USP3: variants seen among roughly 807,000 people sequenced by gnomAD.
USP3 encodes ubiquitin specific peptidase 3.
USP3 carries 20 observed loss-of-function variants against 72.3 expected under a neutral mutation model. The observed-to-expected ratio is 0.28, with a 90% CI of 0.19 to 0.40. The LOEUF is 0.40. Ranked by LOEUF, USP3 falls within the 10% of genes least tolerant of loss-of-function variation. The pLI is 1.00. For synonymous variants in USP3, 222 were observed against 225.3 expected (o/e 0.99, Z 0.13); for missense variants, 479 against 633.9 (o/e 0.76, Z 2.62).
chr15:63,583,164 T>C (rs936247516), intron 11 of USP3, among the ~76,000 whole-genome samples: 4 of 152,158 alleles, frequency 2.6e-5, no homozygotes, highest in Non-Finnish European at 5.9e-5. Flanking sequence ...TTCTCAGTGT[T>C]GTGTGGCTAG....
At chr15:63,533,749 GA>G in intron 2 of USP3, 1 of 803,832 alleles carries the variant, frequency 1.2e-6, no homozygotes, top group Non-Finnish European at 1.7e-6. Flanking sequence ...AGTACCTTTG[GA>G]AAATGTTAAC....
intron 5 of USP3, among the ~76,000 whole-genome samples, chr15:63,557,263 TTTTTG>T (rs944884127): frequency 6.7e-6 from 1 of 150,120 alleles, no homozygotes; most frequent in African/African-American, 2.5e-5. Flanking sequence ...TTTGTTTTTG[TTTTTG>T]TTTTTTTTTT....
intron 11 of USP3, among the ~76,000 whole-genome samples, chr15:63,582,703 T>TG (rs2066985147): frequency 6.6e-6 from 1 of 152,134 alleles, no homozygotes; most frequent in African/African-American, 2.4e-5. Context: ...AAGAAAATGT[T>TG]GGAAAGCAAG....
Position 63,570,587 on chromosome 15 carries a change from TTAGTTGCCTTCTG to T in USP3, c.908+10_908+22del. 6.2e-7 allele frequency: 1 copy of T among 1,601,344 alleles called. No individual in the cohort carries two copies. The highest frequency in any genetic ancestry group is 8.5e-7 in the Non-Finnish European group (1 of 1,173,680). On this transcript the variant is annotated intron_variant, in intron 9 of 14. Transcript: ENST00000380324. This position sits in a 1 kb window ranked among gnomAD's most constrained non-coding sequence, Gnocchi z 4.4. ...AAGTAACAAGTGTTGCATGTAAGAT[TTAGTTGCCTTCTG>T]TTTTTTAGGAGGGCCTCAGACATTT...
chr15:63,594,421 C>T lies in USP3; in HGVS notation c.*3595C>T, dbSNP rs1179154732. ...TCTCGTCAGTGGGTGCAGTGCCTTC[C>T]CCCTCAGGTGTGAGCGTGATGGACT... On this transcript the variant is annotated 3_prime_UTR_variant, in exon 15 of 15. Coordinates refer to ENST00000380324, the MANE Select transcript of USP3 (RefSeq NM_006537.4). The T allele has an allele frequency of 2.6e-5, 4 of 152,172 alleles. No individual in the cohort carries two copies. Among genetic ancestry groups the T allele is most frequent in the Admixed American group, 6.5e-5 (1 of 15,270 alleles). 9.4% of individuals were successfully genotyped at this position (152,172 alleles called of 1,614,324 possible).
At chr15:63,518,922 C>T (rs549000632) in intron 1 of USP3, among the ~76,000 whole-genome samples, 55 of 152,220 alleles carry the variant, frequency 3.6e-4, no homozygotes, top group African/African-American at 9.4e-4. Context: ...CTCACCACCA[C>T]GCCCGGCTAA....
chr15:63,580,870 AC>A (rs1175215833), intron 11 of USP3, among the ~76,000 whole-genome samples: 1 of 151,412 alleles, frequency 6.6e-6, no homozygotes, highest in Non-Finnish European at 1.5e-5. Context: ...GTGCAGTGGC[AC>A]AATCTTGGCT....
chr15:63,537,904 C>T (rs938305111), intron 3 of USP3, among the ~76,000 whole-genome samples: 2 of 152,050 alleles, frequency 1.3e-5, no homozygotes, highest in African/African-American at 2.4e-5. Flanking sequence ...AGGTTGGTCT[C>T]GTACTCCTGA....
rs752723481 is a variant in USP3 at position 63,588,295 on chromosome 15, A to G, written c.1097-10A>G. On this transcript the variant is annotated splice_polypyrimidine_tract_variant and intron_variant, in intron 11 of 14. Transcript: ENST00000380324. This position sits in a 1 kb window ranked among gnomAD's most constrained non-coding sequence, Gnocchi z 4.6. ...TCTTGTTTTAATGCTGCCAAAATCA[A>G]TTTGTTTAGATTGTCTTCGCAGTTT... 3 of 1,581,190 alleles carry G rather than the reference A, an allele frequency of 1.9e-6. No homozygotes were observed. The highest frequency in any genetic ancestry group is 2.7e-5 in the African/African-American group (2 of 72,936).
chr15:63,543,734 C>T (rs777125287), intron 3 of USP3, among the ~76,000 whole-genome samples: 3 of 152,170 alleles, frequency 2.0e-5, no homozygotes, highest in Non-Finnish European at 4.4e-5. Context: ...GATACATTTT[C>T]CTACTCTGTG....
chr15:63,577,746 G>T (rs796970691), intron 11 of USP3, among the ~76,000 whole-genome samples: 2 of 151,584 alleles, frequency 1.3e-5, no homozygotes. Flanking sequence ...GCGAGACTCC[G>T]TCTCAAAATA....
At chr15:63,573,871 ATGTGTC>A (rs1454364952) in intron 9 of USP3, among the ~76,000 whole-genome samples, 169 bp from the exon 10 acceptor site, 1 of 152,152 alleles carries the variant, frequency 6.6e-6, no homozygotes, top group Non-Finnish European at 1.5e-5. Context: ...TTTATTTAGT[ATGTGTC>A]TGTATGGTTT....
intron 3 of USP3, among the ~76,000 whole-genome samples, chr15:63,551,019 A>C (rs1040440038): frequency 3.3e-5 from 5 of 152,274 alleles, no homozygotes; most frequent in Admixed American, 1.3e-4. Context: ...AAAATAATCC[A>C]AGCTGTTTTA....
At chr15:63,533,878 C>T (rs758415936) in intron 2 of USP3, 1 of 1,216,054 alleles carries the variant, frequency 8.2e-7, no homozygotes, top group Non-Finnish European at 1.0e-6. Context: ...CACTTAAATT[C>T]TGCAGTTGAA....
chr15:63,573,232 C>CT (rs1271266399), intron 9 of USP3, among the ~76,000 whole-genome samples: 1 of 152,166 alleles, frequency 6.6e-6, no homozygotes, highest in Non-Finnish European at 1.5e-5. Flanking sequence ...ACTTTAAGTG[C>CT]TTTATTTTTG....
At position 63,588,445 on chromosome 15, in the gene USP3, A is replaced by T; in HGVS notation, c.1215+22A>T. 1 of 1,539,652 alleles carries T rather than the reference A, an allele frequency of 6.5e-7. No individual in the cohort carries two copies. The highest frequency in any genetic ancestry group is 8.9e-7 in the Non-Finnish European group (1 of 1,126,400). ...CAAGGTGAGTGTTGAATTTTGAGTT[A>T]TGAAGCAATTTCAATGGGAAAGTGC... is the stretch of plus-strand genomic sequence containing the variant. On this transcript the variant is annotated intron_variant, in intron 12 of 14. Coordinates refer to ENST00000380324, the MANE Select transcript of USP3 (RefSeq NM_006537.4). This position sits in a 1 kb window ranked among gnomAD's most constrained non-coding sequence, Gnocchi z 4.6.
intron 1 of USP3, among the ~76,000 whole-genome samples, chr15:63,515,166 G>A (rs1301921655): frequency 6.6e-6 from 1 of 152,154 alleles, no homozygotes; most frequent in African/African-American, 2.4e-5. Context: ...TTTAGAGGTA[G>A]GAGGAGCCCA....
At chr15:63,557,826 C>T (rs1424300427) in intron 5 of USP3, among the ~76,000 whole-genome samples, 1 of 152,060 alleles carries the variant, frequency 6.6e-6, no homozygotes, top group Non-Finnish European at 1.5e-5. Context: ...CTGTTTTTTG[C>T]ATTGTGTACT....
At chr15:63,538,002 T>C (rs1306691238) in intron 3 of USP3, among the ~76,000 whole-genome samples, 1 of 151,860 alleles carries the variant, frequency 6.6e-6, no homozygotes, top group African/African-American at 2.4e-5. Flanking sequence ...TTTTTTTTTT[T>C]AGTATCCTTT....
Sources: allele counts gnomAD v4.1 joint callset (sites outside exome capture counted in the v4.1 genomes callset), GRCh38; gene constraint gnomAD v4.1.1; non-coding constraint Gnocchi (gnomAD v3.1); transcripts MANE v1.5; gene names NCBI Gene and HGNC (gene_info 2026-07-23, HGNC 2026-07-21).